ARHGAP32: variants seen among roughly 807,000 people sequenced by gnomAD.
ARHGAP32 encodes Rho GTPase activating protein 32, also known as rho GTPase-activating protein 32.
Under a neutral mutation model 186.5 loss-of-function variants are expected in ARHGAP32, and 51 were observed. That is an observed-to-expected ratio of 0.27 (90% CI 0.22 to 0.35). The LOEUF is 0.35. Ranked by LOEUF, ARHGAP32 falls within the 10% of genes least tolerant of loss-of-function variation. ARHGAP32 has a pLI of 1.00. For missense variants in ARHGAP32, 2,186 were observed against 2,623.5 expected, an observed-to-expected ratio of 0.83 and a Z score of 3.64; for synonymous variants, 950 against 964.3, an observed-to-expected ratio of 0.99 and a Z score of 0.27.
intron 1 of ARHGAP32, among the ~76,000 whole-genome samples, chr11:129,173,161 A>G (rs1943809166): frequency 6.6e-6 from 1 of 152,122 alleles, no homozygotes; most frequent in Admixed American, 6.5e-5. Flanking sequence ...ACAAACTACC[A>G]TCAGAGAATA....
chr11:129,253,235 G>A (rs1945209245), intron 1 of ARHGAP32, among the ~76,000 whole-genome samples: 1 of 152,118 alleles, frequency 6.6e-6, no homozygotes, highest in Non-Finnish European at 1.5e-5. Flanking sequence ...CAGGCACTTA[G>A]TGATATTTAA....
At chr11:129,172,421 G>C (rs891836497) in intron 1 of ARHGAP32, among the ~76,000 whole-genome samples, 2 of 152,168 alleles carry the variant, frequency 1.3e-5, no homozygotes, top group Non-Finnish European at 2.9e-5. Context: ...CATCTGTTGA[G>C]ATAATCATGT....
intron 1 of ARHGAP32, among the ~76,000 whole-genome samples, chr11:129,246,114 C>G (rs1945094141): frequency 6.6e-6 from 1 of 152,280 alleles, no homozygotes; most frequent in South Asian, 2.1e-4. Context: ...AAAATACAAT[C>G]CCTGCCTTCA....
At chr11:129,066,956 C>A in intron 6 of ARHGAP32, 88 bp from the exon 7 acceptor site, 1 of 1,157,482 alleles carries the variant, frequency 8.6e-7, no homozygotes, top group South Asian at 1.7e-5. Flanking sequence ...TGATTTTATT[C>A]ATGAGATTTT....
intron 8 of ARHGAP32, among the ~76,000 whole-genome samples, 172 bp from the exon 9 acceptor site, chr11:129,064,196 C>T (rs1018010972): frequency 1.3e-5 from 2 of 151,196 alleles, no homozygotes; most frequent in African/African-American, 4.9e-5. Flanking sequence ...TGTGCTGTGC[C>T]TATAACATAT....
intron 2 of ARHGAP32, among the ~76,000 whole-genome samples, chr11:129,142,306 G>A (rs964402309): frequency 1.3e-5 from 2 of 152,024 alleles, no homozygotes; most frequent in African/African-American, 2.4e-5. Flanking sequence ...TGCCAGGATC[G>A]GCCTCCTACA....
At chr11:129,195,115 T>G (rs1286690925), upstream of ARHGAP32, among the ~76,000 whole-genome samples, 2 of 151,948 alleles carry the variant, frequency 1.3e-5, no homozygotes, top group Non-Finnish European at 2.9e-5. Context: ...ATTATAAGTG[T>G]GTGCCACGAC....
At chr11:129,187,261 G>C (rs1038118953) in intron 1 of ARHGAP32, among the ~76,000 whole-genome samples, 2 of 152,116 alleles carry the variant, frequency 1.3e-5, no homozygotes, top group Non-Finnish European at 2.9e-5. Flanking sequence ...AATAAGCCAG[G>C]CACGGAAAGA....
chr11:129,073,195 T>A (rs1273330653), intron 6 of ARHGAP32, among the ~76,000 whole-genome samples: 1 of 152,032 alleles, frequency 6.6e-6, no homozygotes, highest in African/African-American at 2.4e-5. Context: ...TATGTCCACC[T>A]TCAACAAAAA....
upstream of ARHGAP32, among the ~76,000 whole-genome samples, chr11:129,194,450 A>T (rs1944363465): frequency 6.6e-6 from 1 of 152,200 alleles, no homozygotes; most frequent in Non-Finnish European, 1.5e-5. Context: ...CACAATACGG[A>T]ACAAAGCCTA....
chr11:128,986,712 G>A (rs1246177670), intron 13 of ARHGAP32, 44 bp from the exon 14 acceptor site: 1 of 1,590,160 alleles, frequency 6.3e-7, no homozygotes, highest in Non-Finnish European at 8.6e-7. Context: ...TGATTGAGGA[G>A]AGCAAATATG....
At chr11:129,218,919 G>A (rs1486736723) in intron 1 of ARHGAP32, among the ~76,000 whole-genome samples, 1 of 152,152 alleles carries the variant, frequency 6.6e-6, no homozygotes, top group South Asian at 2.1e-4. Context: ...GTAAGGAGGA[G>A]AAGAAACAGG....
chr11:129,044,962 T>G (rs951380260), intron 10 of ARHGAP32, among the ~76,000 whole-genome samples: 1 of 152,106 alleles, frequency 6.6e-6, no homozygotes, highest in Non-Finnish European at 1.5e-5. Flanking sequence ...CTCAGGGAAC[T>G]ATATCACATA....
Position 128,967,637 on chromosome 11 carries a change from C to T in ARHGAP32, c.*1270G>A, listed in dbSNP as rs543024763. The T allele has an allele frequency of 1.3e-5, 2 of 152,238 alleles. No individual in the cohort carries two copies. The highest frequency in any genetic ancestry group is 4.2e-4 in the South Asian group (2 of 4,818). 9.4% of individuals were successfully genotyped at this position (152,238 alleles called of 1,614,324 possible). ...GTCTCCAGAGTTATAAAGAGCTATA[C>T]CTGAAATGCTGGTGTAGATGGTAAT... On this transcript the variant is annotated 3_prime_UTR_variant, in exon 23 of 23. Coordinates refer to ENST00000682385, the MANE Select transcript of ARHGAP32 (RefSeq NM_001378024.1).
rs564079940 is a variant in ARHGAP32 at position 128,981,602 on chromosome 11, C to T, written c.1635-41G>A. 8 of 1,575,430 alleles carry T rather than the reference C, an allele frequency of 5.1e-6. No homozygotes were observed. The South Asian group carries it at 7.0e-5, about 14-fold the overall frequency. On this transcript the variant is annotated intron_variant, in intron 16 of 22. Transcript: ENST00000682385. ...TTTCATCACAGAGTTGTAAAGATAGCAGTCGTCAAGGGCCTCTTTTTTTAA... is the reference window on the plus strand; with the variant it reads ...TTTCATCACAGAGTTGTAAAGATAGTAGTCGTCAAGGGCCTCTTTTTTTAA...
chr11:129,257,688 G>C (rs958197649), intron 1 of ARHGAP32, among the ~76,000 whole-genome samples: 1 of 128,008 alleles, frequency 7.8e-6, no homozygotes, highest in Non-Finnish European at 1.6e-5. Context: ...CTTAGAAGCA[G>C]TAAGTTAATA....
intron 5 of ARHGAP32, 41 bp from the exon 6 acceptor site, chr11:129,093,748 T>C (rs751611018): frequency 7.2e-7 from 1 of 1,394,858 alleles, no homozygotes; most frequent in Non-Finnish European, 1.0e-6. Context: ...AAGAAAGTCA[T>C]GATTAGTAAA....
intron 12 of ARHGAP32, among the ~76,000 whole-genome samples, chr11:128,990,828 G>A (rs1239380051): frequency 1.3e-5 from 2 of 152,138 alleles, no homozygotes; most frequent in African/African-American, 2.4e-5. Flanking sequence ...CAAAGGGAAT[G>A]TATTTAGAGA....
intron 11 of ARHGAP32, among the ~76,000 whole-genome samples, chr11:129,021,751 G>A (rs12284198): frequency 0.02 from 3,093 of 151,906 alleles, 53 homozygotes; most frequent in African/African-American, 0.045. Flanking sequence ...TAATAAATAC[G>A]ATTGGTTCTG....
Sources: gnomAD v4.1 joint callset for allele counts (sites outside exome capture counted in the v4.1 genomes callset) on GRCh38, gnomAD v4.1.1 for gene constraint, MANE v1.5 for transcripts, NCBI Gene and HGNC (gene_info 2026-07-23, HGNC 2026-07-21) for gene names.